ZBTB20: variants seen among roughly 807,000 people sequenced by gnomAD.
ZBTB20 encodes the protein zinc finger and BTB domain containing 20.
In ZBTB20, 9 loss-of-function variants were observed where a neutral mutation model predicts 56.9. The ratio of observed to expected loss-of-function variants is 0.16; its 90% CI spans 0.10 to 0.28. ZBTB20 has a LOEUF of 0.28. Among genes scored for constraint, ZBTB20 ranks in the 10% least tolerant of loss-of-function variants. ZBTB20 has a pLI of 1.00. For synonymous variants in ZBTB20, 417 were observed against 420.7 expected (o/e 0.99, Z 0.11); for missense variants, 655 against 1,003.0 (o/e 0.65, Z 4.69).
Position 114,315,739 on chromosome 3 carries a change from A to C in ZBTB20, c.*23266T>G, listed in dbSNP as rs2078659689. The C allele has an allele frequency of 6.6e-6, 1 of 152,220 alleles. No homozygotes were observed. Among genetic ancestry groups the C allele is most frequent in the Admixed American group, 6.5e-5 (1 of 15,274 alleles). The allele number at this position is 152,220 out of a possible 1,614,324, so 9.4% of individuals were successfully genotyped here. On this transcript the variant is annotated 3_prime_UTR_variant, in exon 12 of 12. Transcript: ENST00000675478. ...AACACTGCGGCGGGAAAATCAGGAAATGGGTTCACCTTTCAGCAGTCACCA... is the reference window on the plus strand; with the variant it reads ...AACACTGCGGCGGGAAAATCAGGAACTGGGTTCACCTTTCAGCAGTCACCA...
At chr3:114,562,097 T>C (rs1234223582) in intron 6 of ZBTB20, among the ~76,000 whole-genome samples, 1 of 152,120 alleles carries the variant, frequency 6.6e-6, no homozygotes, top group African/African-American at 2.4e-5. Flanking sequence ...TCCTCACCTC[T>C]CTTGGTCTTC....
chr3:114,844,536 A>AAAAAAAC (rs2074574099), intron 4 of ZBTB20, among the ~76,000 whole-genome samples: 3 of 139,490 alleles, frequency 2.2e-5, no homozygotes, highest in Non-Finnish European at 4.7e-5. Flanking sequence ...AAAAAAAAAA[A>AAAAAAAC]AAAAAAAAAA....
At chr3:114,550,350 C>T (rs1479217823) in intron 6 of ZBTB20, among the ~76,000 whole-genome samples, 1 of 152,278 alleles carries the variant, frequency 6.6e-6, no homozygotes, top group East Asian at 1.9e-4. Context: ...ATATTTACAT[C>T]ACTTTTTCCA....
At chr3:114,531,895 TTCCC>T (rs922999249) in intron 6 of ZBTB20, among the ~76,000 whole-genome samples, 1 of 152,120 alleles carries the variant, frequency 6.6e-6, no homozygotes, top group African/African-American at 2.4e-5. Context: ...GGTTGGGGAA[TTCCC>T]TCCGTTAGCC....
At chr3:114,761,595 G>A (rs112661905) in intron 5 of ZBTB20, among the ~76,000 whole-genome samples, 59 of 152,226 alleles carry the variant, frequency 3.9e-4, no homozygotes, top group African/African-American at 1.4e-3. Context: ...AGCACTTTGG[G>A]AGGCTGAGCT....
At chr3:115,038,751 A>G (rs1408685879) in intron 2 of ZBTB20, among the ~76,000 whole-genome samples, 2 of 152,106 alleles carry the variant, frequency 1.3e-5, no homozygotes, top group African/African-American at 2.4e-5. Flanking sequence ...AAATGTTAAA[A>G]TTATTAAAAT....
chr3:114,446,026 C>T (rs2091249665), intron 7 of ZBTB20, among the ~76,000 whole-genome samples: 2 of 151,962 alleles, frequency 1.3e-5, no homozygotes, highest in Non-Finnish European at 2.9e-5. Flanking sequence ...CTATATATTC[C>T]TTAACGTTTG....
intron 5 of ZBTB20, among the ~76,000 whole-genome samples, chr3:114,723,384 G>A (rs1421400788): frequency 1.3e-5 from 2 of 152,244 alleles, no homozygotes; most frequent in African/African-American, 4.8e-5. Flanking sequence ...TGGCCCAAGC[G>A]ACAGCTTTTC....
chr3:114,984,659 T>C (rs2078461447), intron 2 of ZBTB20, among the ~76,000 whole-genome samples: 1 of 152,090 alleles, frequency 6.6e-6, no homozygotes, highest in African/African-American at 2.4e-5. Flanking sequence ...TTCTCTTTCA[T>C]TGAACAACAG....
intron 7 of ZBTB20, among the ~76,000 whole-genome samples, chr3:114,490,944 C>T (rs375673605): frequency 2.0e-5 from 3 of 152,180 alleles, no homozygotes; most frequent in Non-Finnish European, 4.4e-5. Flanking sequence ...TCTCCTGGTC[C>T]TTGCAAAGGT....
At chr3:115,085,547 T>C (rs545202786) in intron 1 of ZBTB20, among the ~76,000 whole-genome samples, 6 of 152,126 alleles carry the variant, frequency 3.9e-5, no homozygotes, top group African/African-American at 1.4e-4. Flanking sequence ...AATTTGTGGC[T>C]AAACACTAAA....
rs1324708036 is a variant in ZBTB20 at position 114,319,576 on chromosome 3, G to A, written c.*19429C>T. 1 of 152,148 alleles carries A rather than the reference G, an allele frequency of 6.6e-6. No homozygotes were observed. The highest frequency in any genetic ancestry group is 2.4e-5 in the African/African-American group (1 of 41,426). The allele number at this position is 152,148 out of a possible 1,614,324, so 9.4% of individuals were successfully genotyped here. On this transcript the variant is annotated 3_prime_UTR_variant, in exon 12 of 12. Coordinates refer to ENST00000675478, the MANE Select transcript of ZBTB20 (RefSeq NM_001348800.3). ...TTGTATGGGTAAACGGGCCAGTTTG[G>A]TATTGGGGAATGTTGACGAAGGGAG...
In ZBTB20 at chr3:114,690,007, G is replaced by T. The variant is rs551351752; in HGVS notation, c.-295+3521C>A. ...AATCAGAAGATTCAGAGGGGAAAAA[G>T]AAATGGAAAGAAAAAAAAAGAGTTT... is the stretch of plus-strand genomic sequence containing the variant. On this transcript the variant is annotated intron_variant, in intron 6 of 11. Transcript: ENST00000675478. Among the ~76,000 whole-genome samples, 3 of 151,872 alleles carry T rather than the reference G, an allele frequency of 2.0e-5. No individual in the cohort carries two copies. The East Asian group carries it at 5.8e-4, about 29-fold the overall frequency.
At chr3:114,776,007 T>A (rs1560236124) in intron 5 of ZBTB20, among the ~76,000 whole-genome samples, 1 of 150,314 alleles carries the variant, frequency 6.7e-6, no homozygotes, top group Non-Finnish European at 1.5e-5. Flanking sequence ...GGATCTGCCA[T>A]GTTGTTACTC....
At chr3:114,501,398 G>T (rs2043940212) in intron 6 of ZBTB20, among the ~76,000 whole-genome samples, 1 of 152,048 alleles carries the variant, frequency 6.6e-6, no homozygotes, top group Non-Finnish European at 1.5e-5. Flanking sequence ...GGCCAAGGTG[G>T]GTGGATCACT....
At chr3:115,036,464 G>T (rs1332300113) in intron 2 of ZBTB20, among the ~76,000 whole-genome samples, 1 of 151,736 alleles carries the variant, frequency 6.6e-6, no homozygotes, top group Non-Finnish European at 1.5e-5. Flanking sequence ...CACCAGGCTG[G>T]AGTGCAGTGG....
chr3:114,809,499 C>T (rs965803463), intron 4 of ZBTB20, among the ~76,000 whole-genome samples: 2 of 151,912 alleles, frequency 1.3e-5, no homozygotes, highest in African/African-American at 4.8e-5. Context: ...TTTTTTAACT[C>T]CAGAATTTTT....
chr3:114,813,772 A>T (rs1489111596), intron 4 of ZBTB20, among the ~76,000 whole-genome samples: 1 of 152,174 alleles, frequency 6.6e-6, no homozygotes, highest in Non-Finnish European at 1.5e-5. Context: ...ATAACAAAAA[A>T]TAGTTGTATT....
chr3:114,811,584 A>G (rs966925192), intron 4 of ZBTB20, among the ~76,000 whole-genome samples: 1 of 152,240 alleles, frequency 6.6e-6, no homozygotes, highest in African/African-American at 2.4e-5. Context: ...TGTATAAAGC[A>G]TTAATTGTGA....
Sources: gnomAD v4.1 joint callset for allele counts (sites outside exome capture counted in the v4.1 genomes callset) on GRCh38, gnomAD v4.1.1 for gene constraint, MANE v1.5 for transcripts, NCBI Gene and HGNC (gene_info 2026-07-23, HGNC 2026-07-21) for gene names.